ANO6: variants seen among roughly 807,000 people sequenced by gnomAD.
The protein encoded by ANO6 is anoctamin 6.
ANO6 carries 106 observed loss-of-function variants against 117.5 expected under a neutral mutation model. The observed-to-expected ratio is 0.90, with a 90% CI of 0.77 to 1.06. The LOEUF (loss-of-function observed/expected upper bound fraction) is 1.06. ANO6 is among the 50% of genes least tolerant of loss of function. ANO6 has a pLI of 0.00. For missense variants in ANO6, 955 were observed against 1,121.1 expected (o/e 0.85, Z 2.12); for synonymous variants, 367 against 385.1 (o/e 0.95, Z 0.55).
At chr12:45,389,941 A>G (rs1942397597) in intron 11 of ANO6, among the ~76,000 whole-genome samples, 1 of 152,230 alleles carries the variant, frequency 6.6e-6, no homozygotes, top group African/African-American at 2.4e-5. Flanking sequence ...TAAGAATTTA[A>G]ATATATTTTT....
At chr12:45,348,344 C>G in intron 5 of ANO6, 29 bp downstream of exon 5, 4 of 1,613,752 alleles carry the variant, frequency 2.5e-6, no homozygotes, top group Non-Finnish European at 3.4e-6. Flanking sequence ...TAGTTGCTGT[C>G]TTGGGGTAAT....
chr12:45,283,257 G>A (rs1938801729), intron 1 of ANO6, among the ~76,000 whole-genome samples: 1 of 152,158 alleles, frequency 6.6e-6, no homozygotes, highest in Admixed American at 6.5e-5. Context: ...TTTTAAGATG[G>A]AATAAATCTG....
In ANO6 at chr12:45,357,312, G is replaced by A. The variant is rs763345289; in HGVS notation, c.886G>A (p.Gly296Arg). 1.9e-6 allele frequency: 3 copies of A among 1,613,772 alleles called. No homozygotes were observed. Among genetic ancestry groups the A allele is most frequent in the South Asian group, 2.2e-5 (2 of 91,078 alleles). Reference sequence around the variant, plus strand: ...CAGGAAATACTATGGAGAGAAGATTGGAATCTACTTTGCTTGGCTGGGCTA... The same window carrying A: ...CAGGAAATACTATGGAGAGAAGATTAGAATCTACTTTGCTTGGCTGGGCTA... ...LIRKYYGEKI[G>R]IYFAWLGYYT... is the part of the protein sequence containing the mutation. Residue 296 changes from glycine (G) to arginine (R), a missense_variant, in exon 8 of 20, where the codon GGA becomes AGA. Gly to Arg is a moderately radical substitution (Grantham distance 125, BLOSUM62 -2). Transcript: ENST00000320560.
At chr12:45,244,408 G>A (rs116295652) in intron 1 of ANO6, among the ~76,000 whole-genome samples, 2,495 of 148,882 alleles carry the variant, frequency 0.017, 64 homozygotes, top group African/African-American at 0.034. Flanking sequence ...CTATTTGGGG[G>A]GGGGGGGTGG....
At chr12:45,372,925 T>C (rs1941888061) in intron 9 of ANO6, among the ~76,000 whole-genome samples, 2 of 152,120 alleles carry the variant, frequency 1.3e-5, no homozygotes, top group African/African-American at 4.8e-5. Flanking sequence ...GCAAATTGGA[T>C]AAAGAGTCAA....
intron 2 of ANO6, among the ~76,000 whole-genome samples, chr12:45,319,554 CA>C (rs1940181098): frequency 6.6e-6 from 1 of 152,172 alleles, no homozygotes; most frequent in Non-Finnish European, 1.5e-5. Context: ...CGATGTTCAT[CA>C]GGGATATTGG....
At chr12:45,336,678 G>A (rs1295376193) in intron 3 of ANO6, among the ~76,000 whole-genome samples, 1 of 152,032 alleles carries the variant, frequency 6.6e-6, no homozygotes, top group Non-Finnish European at 1.5e-5. Flanking sequence ...CCGAACGCTT[G>A]TTAATGGTAA....
chr12:45,357,424 G>A lies in ANO6; in HGVS notation c.998G>A (p.Ser333Asn). The A allele has an allele frequency of 6.2e-7, 1 of 1,613,330 alleles. No homozygotes were observed. Among genetic ancestry groups the A allele is most frequent in the Non-Finnish European group, 8.5e-7 (1 of 1,179,986 alleles). The change falls in exon 8 of 20, where the codon AGC (serine) becomes AAC (asparagine). Residue 333 changes from serine (S) to asparagine (N), a missense_variant and splice_region_variant. Physicochemically the swap from Ser to Asn is conservative, Grantham distance 46. Transcript: ENST00000320560. ...CTTAATCAAGATAACTGTACATGGA[G>A]GTAACCTCTGTTTATTCCTTGTTGC... ...GYLNQDNCTW[S>N]KEVCHPDIGG... is the part of the protein sequence containing the mutation.
chr12:45,390,419 A>C lies in ANO6; in HGVS notation c.1309-2A>C, dbSNP rs1035410484. ...ACTAAACTTTTTTGTTTTTGTAATT[A>C]GGAAGAAGAACGCATTCCCTTTACT... On this transcript the variant is annotated splice_acceptor_variant, in intron 11 of 19. Coordinates refer to ENST00000320560, the MANE Select transcript of ANO6 (RefSeq NM_001025356.3). LOFTEE classifies it high-confidence loss of function. The C allele has an allele frequency of 6.2e-7, 1 of 1,613,138 alleles. No individual in the cohort carries two copies. Among genetic ancestry groups the C allele is most frequent in the African/African-American group, 1.3e-5 (1 of 74,936 alleles).
chr12:45,422,239 A>G (rs1359165560), intron 18 of ANO6, among the ~76,000 whole-genome samples: 1 of 152,230 alleles, frequency 6.6e-6, no homozygotes, highest in East Asian at 1.9e-4. Flanking sequence ...GTAAAAAATT[A>G]TAACAAGCAG....
chr12:45,236,005 G>C (rs1196270170), intron 1 of ANO6, among the ~76,000 whole-genome samples: 1 of 152,216 alleles, frequency 6.6e-6, no homozygotes, highest in Non-Finnish European at 1.5e-5. Context: ...AAGTGAAAGA[G>C]GCTACATATG....
intron 7 of ANO6, among the ~76,000 whole-genome samples, chr12:45,355,218 G>A (rs1038174978): frequency 2.0e-5 from 3 of 152,116 alleles, no homozygotes; most frequent in African/African-American, 7.2e-5. Context: ...GTTGGGAGGT[G>A]TTTGGCAGAG....
intron 1 of ANO6, among the ~76,000 whole-genome samples, chr12:45,282,490 T>C (rs1191131825): frequency 6.6e-6 from 1 of 152,020 alleles, no homozygotes; most frequent in Non-Finnish European, 1.5e-5. Flanking sequence ...TCAAAAGAAG[T>C]CGTGGCCAGC....
intron 8 of ANO6, among the ~76,000 whole-genome samples, chr12:45,364,024 G>A (rs1941622607): frequency 6.6e-6 from 1 of 152,162 alleles, no homozygotes; most frequent in Admixed American, 6.5e-5. Context: ...TATTTATCTG[G>A]GAATGTCTTA....
intron 15 of ANO6, among the ~76,000 whole-genome samples, chr12:45,409,053 G>GA (rs1172932970): frequency 6.6e-6 from 1 of 152,000 alleles, no homozygotes; most frequent in African/African-American, 2.4e-5. Context: ...AGGGGGAAAT[G>GA]AAAAAACAAA....
At chr12:45,328,658 T>C (rs1940557871) in intron 2 of ANO6, among the ~76,000 whole-genome samples, 1 of 152,178 alleles carries the variant, frequency 6.6e-6, no homozygotes, top group African/African-American at 2.4e-5. Flanking sequence ...TTGCTTCTAA[T>C]CTTTTGTTTC....
At chr12:45,400,873 G>T (rs1159579113) in intron 12 of ANO6, among the ~76,000 whole-genome samples, 1 of 152,194 alleles carries the variant, frequency 6.6e-6, no homozygotes, top group Non-Finnish European at 1.5e-5. Context: ...TGAGTGCATG[G>T]TTCTGGAGAA....
chr12:45,430,822 G>C lies in ANO6; in HGVS notation c.*1511G>C. On this transcript the variant is annotated 3_prime_UTR_variant, in exon 20 of 20. Transcript: ENST00000320560. ...GCGCTCTGGAAAAGACAGGGAGCCA[G>C]GCCCTCTCACCCCTACTGGTAACAG... is the stretch of plus-strand genomic sequence containing the variant. The C allele has an allele frequency of 1.0e-6, 1 of 985,470 alleles. No homozygotes were observed. Among genetic ancestry groups the C allele is most frequent in the Non-Finnish European group, 1.2e-6 (1 of 830,030 alleles). The allele number at this position is 985,470 out of a possible 1,614,324, so 61.0% of individuals were successfully genotyped here.
rs551517877 is a variant in ANO6, at chr12:45,255,818, GTTTTTT to G, written c.70+39442_70+39447del. On this transcript the variant is annotated intron_variant, in intron 1 of 19. Transcript: ENST00000320560. The stretch of plus-strand genomic sequence containing the variant: ...CTGGCCCCAGGTTTTCTCCCTGGGT[GTTTTTT>G]TTTTTTTTTTTTTTGAGACTGAATC... Among the ~76,000 whole-genome samples the G allele has an allele frequency of 1.0e-3, 82 of 81,694 alleles. 2 individuals carry two copies. In the South Asian group the frequency reaches 0.034, roughly 34 times the overall value. 53.6% of individuals were successfully genotyped at this position (81,694 alleles called of 152,430 possible). A position where few individuals can be genotyped will look rare whatever the true frequency, so the allele number is the denominator to read the frequency against.
Sources: allele counts gnomAD v4.1 joint callset (sites outside exome capture counted in the v4.1 genomes callset), GRCh38; gene constraint gnomAD v4.1.1; transcripts MANE v1.5; gene names NCBI Gene and HGNC (gene_info 2026-07-23, HGNC 2026-07-21).